Variants in STOM observed in about 807,000 individuals in gnomAD.
STOM encodes erythrocyte band 7 integral membrane protein.
STOM carries 25 observed loss-of-function variants against 30.6 expected under a neutral mutation model. The observed-to-expected ratio is 0.82, with a 90% CI of 0.60 to 1.14. The LOEUF is 1.14. STOM is among the 50% of genes most tolerant of loss of function. STOM has a pLI of 0.00. For synonymous variants in STOM, 118 were observed against 130.8 expected (o/e 0.90, Z 0.67); for missense variants, 292 against 365.2 (o/e 0.80, Z 1.63).
intron 1 of STOM, among the ~76,000 whole-genome samples, chr9:121,363,459 A>T (rs1165780900): frequency 6.6e-6 from 1 of 152,172 alleles, no homozygotes; most frequent in Non-Finnish European, 1.5e-5. Context: ...CTTTTCCTGT[A>T]AAGAACCAGG....
chr9:121,366,308 T>C (rs899167215), intron 1 of STOM: 4 of 942,374 alleles, frequency 4.2e-6, no homozygotes, highest in African/African-American at 3.6e-5. Flanking sequence ...TGTGTGTCAA[T>C]AGAAAATTAT....
intron 1 of STOM, among the ~76,000 whole-genome samples, chr9:121,359,771 A>AC (rs2064432645): frequency 6.6e-6 from 1 of 151,942 alleles, no homozygotes; most frequent in Non-Finnish European, 1.5e-5. Context: ...TTCCAAATTC[A>AC]CCCCTCAATA....
chr9:121,364,725 A>G (rs2064486661), intron 1 of STOM, among the ~76,000 whole-genome samples: 1 of 152,226 alleles, frequency 6.6e-6, no homozygotes, highest in South Asian at 2.1e-4. Flanking sequence ...TTCAGGCCAT[A>G]CAAGAGGAAA....
At chr9:121,367,475 T>C (rs1164846059) in intron 1 of STOM, among the ~76,000 whole-genome samples, 4 of 152,222 alleles carry the variant, frequency 2.6e-5, no homozygotes, top group African/African-American at 9.6e-5. Context: ...AGATTAATTA[T>C]TGAAGAAGTT....
rs762644889 is a variant in STOM at position 121,368,491 on chromosome 9, T to C, written c.61+1636A>G. ...ACCACCCATTTTTTCCCTATTCAAG[T>C]TTTAGAATCAGTCAAATCTAGATTT... On this transcript the variant is annotated intron_variant, in intron 1 of 6. Coordinates refer to ENST00000286713, the MANE Select transcript of STOM (RefSeq NM_004099.6). Among the ~76,000 whole-genome samples the C allele has an allele frequency of 2.0e-5, 3 of 152,156 alleles. No individual in the cohort carries two copies. In the East Asian group the frequency reaches 5.8e-4, roughly 29 times the overall value.
intron 1 of STOM, 112 bp from the exon 2 acceptor site, chr9:121,356,268 T>C: frequency 1.3e-6 from 1 of 783,554 alleles, no homozygotes; most frequent in Non-Finnish European, 2.0e-6. Context: ...CACCAGCTGT[T>C]TTACATGAAT....
At chr9:121,362,925 G>A (rs1388593739) in intron 1 of STOM, among the ~76,000 whole-genome samples, 1 of 152,196 alleles carries the variant, frequency 6.6e-6, no homozygotes, top group East Asian at 1.9e-4. Flanking sequence ...CCAGAGGGCT[G>A]TAGTTGTCCC....
chr9:121,344,769 T>A (rs999324031), intron 6 of STOM, among the ~76,000 whole-genome samples: 3 of 152,190 alleles, frequency 2.0e-5, no homozygotes, highest in Non-Finnish European at 2.9e-5. Context: ...CTGCACTCCA[T>A]CCTCTCAATT....
intron 4 of STOM, among the ~76,000 whole-genome samples, chr9:121,350,643 T>C (rs1293454253): frequency 6.6e-6 from 1 of 152,198 alleles, no homozygotes; most frequent in Admixed American, 6.5e-5. Flanking sequence ...TTTTAACCCA[T>C]TTGACCAACA....
At chr9:121,355,231 C>CAAA (rs762080105) in intron 2 of STOM, among the ~76,000 whole-genome samples, 100 of 82,864 alleles carry the variant, frequency 1.2e-3, no homozygotes, top group African/African-American at 1.5e-3. Context: ...GACTCCGTCT[C>CAAA]AAAAAAAAAA....
rs565221224 is a variant in STOM at position 121,345,891 on chromosome 9, G to A, written c.660+2124C>T. 3.9e-5 allele frequency among the ~76,000 whole-genome samples: 6 copies of A among 152,216 alleles called. No homozygotes were observed. The East Asian group carries it at 7.7e-4, about 20-fold the overall frequency. On this transcript the variant is annotated intron_variant, in intron 6 of 6. Coordinates refer to ENST00000286713, the MANE Select transcript of STOM (RefSeq NM_004099.6). Reference sequence around the variant, plus strand: ...CTACTAATCAACTGTGCGACCTTGCGGACGTCACTTAACTTTTCAGAGCTT... The same window carrying A: ...CTACTAATCAACTGTGCGACCTTGCAGACGTCACTTAACTTTTCAGAGCTT...
In STOM at chr9:121,370,222, G is replaced by C. The variant is rs575198257; in HGVS notation, c.-35C>G. ...GACGCAGTCGCACTCCCCCGTCCTC[G>C]TTGCCAAACCCGGAGCCGCCGGGAA... is the stretch of plus-strand genomic sequence containing the variant. On this transcript the variant is annotated 5_prime_UTR_variant, in exon 1 of 7. Coordinates refer to ENST00000286713, the MANE Select transcript of STOM (RefSeq NM_004099.6). 2 of 1,536,638 alleles carry C rather than the reference G, an allele frequency of 1.3e-6. No individual in the cohort carries two copies. Among genetic ancestry groups the C allele is most frequent in the African/African-American group, 2.7e-5 (2 of 72,964 alleles).
chr9:121,340,414 T>C lies in STOM; in HGVS notation c.*788A>G. ...TGAAACACGGTCTGGATTTAGAAAA[T>C]AAATGAACATTAGGGAAATTTCCTT... is the stretch of plus-strand genomic sequence containing the variant. On this transcript the variant is annotated 3_prime_UTR_variant, in exon 7 of 7. Transcript: ENST00000286713. 1 of 985,244 alleles carries C rather than the reference T, an allele frequency of 1.0e-6. No individual in the cohort carries two copies. The highest frequency in any genetic ancestry group is 1.7e-5 in the African/African-American group (1 of 57,292). The allele number at this position is 985,244 out of a possible 1,614,324, so 61.0% of individuals were successfully genotyped here.
chr9:121,360,639 T>G (rs2064442449), intron 1 of STOM, among the ~76,000 whole-genome samples: 1 of 152,264 alleles, frequency 6.6e-6, no homozygotes, highest in African/African-American at 2.4e-5. Flanking sequence ...TTACCCTTTT[T>G]GATCAAAAGC....
Position 121,356,080 on chromosome 9 carries a change from G to A in STOM, c.138C>T (p.Phe46=). 6.2e-7 allele frequency: 1 copy of A among 1,613,990 alleles called. No individual in the cohort carries two copies. Among genetic ancestry groups the A allele is most frequent in the Non-Finnish European group, 8.5e-7 (1 of 1,179,964 alleles). Residue 46 remains phenylalanine (F), a synonymous_variant, in exon 2 of 7, where the codon TTC becomes TTT. Coordinates refer to ENST00000286713, the MANE Select transcript of STOM (RefSeq NM_004099.6). ...AFSFLFTVIT[F]PISIWMCIKI... Reference sequence around the variant, plus strand: ...TTATGCACATCCATATTGAGATTGGGAAAGTTATAACGGTGAATAAGAATG... The same window carrying A: ...TTATGCACATCCATATTGAGATTGGAAAAGTTATAACGGTGAATAAGAATG...
intron 1 of STOM, among the ~76,000 whole-genome samples, chr9:121,365,328 C>A (rs1024978154): frequency 3.3e-5 from 5 of 151,960 alleles, no homozygotes; most frequent in Non-Finnish European, 5.9e-5. Flanking sequence ...GAAGAATGGG[C>A]TGAACATGGC....
rs1408100820 is a variant in STOM, at chr9:121,357,435, ATATATTTATT to A, written c.62-1289_62-1280del. Among the ~76,000 whole-genome samples the A allele has an allele frequency of 2.3e-5, 3 of 128,276 alleles. No individual in the cohort carries two copies. The East Asian group carries it at 7.0e-4, about 30-fold the overall frequency. 84.2% of individuals were successfully genotyped at this position (128,276 alleles called of 152,430 possible). ...CCATATTTTTAAATGATATATATAT[ATATATTTATT>A]TATTTATTTTTTGAGACAGAGTCTT... is the stretch of plus-strand genomic sequence containing the variant. On this transcript the variant is annotated intron_variant, in intron 1 of 6. Transcript: ENST00000286713.
intron 3 of STOM, among the ~76,000 whole-genome samples, chr9:121,354,026 C>T (rs1464172713): frequency 2.6e-5 from 4 of 152,218 alleles, no homozygotes; most frequent in African/African-American, 9.6e-5. Flanking sequence ...GTTCCTACCA[C>T]TAGATAGGAA....
At chr9:121,370,106 G>T in intron 1 of STOM, 21 bp downstream of exon 1, 1 of 1,535,800 alleles carries the variant, frequency 6.5e-7, no homozygotes, top group South Asian at 1.2e-5. Context: ...ACGGGGGAGG[G>T]TCAGGGGACG....
Sources: allele counts gnomAD v4.1 joint callset (sites outside exome capture counted in the v4.1 genomes callset), GRCh38; gene constraint gnomAD v4.1.1; transcripts MANE v1.5; gene names NCBI Gene and HGNC (gene_info 2026-07-23, HGNC 2026-07-21).